Variants in SGK3 observed in about 807,000 individuals in gnomAD.
SGK3 encodes the protein serine/threonine-protein kinase Sgk3.
A neutral mutation model predicts 68.5 loss-of-function variants in SGK3; 47 were observed. The ratio of observed to expected loss-of-function variants is 0.69; its 90% confidence interval spans 0.54 to 0.87. SGK3 has a LOEUF of 0.87. SGK3 is among the 40% of genes least tolerant of loss of function. SGK3 has a pLI of 0.00. For missense variants in SGK3, 479 were observed against 575.5 expected, an observed-to-expected ratio of 0.83 and a Z score of 1.72; for synonymous variants, 181 against 189.1, an observed-to-expected ratio of 0.96 and a Z score of 0.35.
intron 6 of SGK3, among the ~76,000 whole-genome samples, chr8:66,826,571 A>G (rs573589408): frequency 1.3e-5 from 2 of 152,352 alleles, no homozygotes; most frequent in South Asian, 4.1e-4. Flanking sequence ...AGGTATAACA[A>G]CAGGAAATAA....
intron 10 of SGK3, among the ~76,000 whole-genome samples, chr8:66,839,539 A>ATG (rs1353394177): frequency 7.6e-4 from 53 of 69,814 alleles, no homozygotes; most frequent in South Asian, 2.2e-3. Flanking sequence ...ATATATATAT[A>ATG]TATATATATA....
chr8:66,828,309 G>A (rs113375769), intron 6 of SGK3, among the ~76,000 whole-genome samples: 2,918 of 152,216 alleles, frequency 0.019, 67 homozygotes, highest in South Asian at 0.045. Flanking sequence ...TTTTTAACCA[G>A]TTTTTTAGAA....
rs368387636 is a variant in SGK3, at chr8:66,847,182, T to A, written c.1075-11T>A. On this transcript the variant is annotated splice_polypyrimidine_tract_variant and intron_variant, in intron 14 of 16. Transcript: ENST00000521198. ...TACCACTAAGTTTATTTTGCTTTTTTTTTTTTCCAGCCTCCTTTTTATTGC... is the reference window on the plus strand; with the variant it reads ...TACCACTAAGTTTATTTTGCTTTTTATTTTTTCCAGCCTCCTTTTTATTGC... 79 of 1,585,576 alleles carry A rather than the reference T, an allele frequency of 5.0e-5. No homozygotes were observed. Among genetic ancestry groups the A allele is most frequent in the Non-Finnish European group, 6.7e-5 (78 of 1,170,910 alleles).
At chr8:66,769,126 C>A (rs191596871) in intron 1 of SGK3, among the ~76,000 whole-genome samples, 1 of 152,202 alleles carries the variant, frequency 6.6e-6, no homozygotes, top group African/African-American at 2.4e-5. Flanking sequence ...ATTTTCCTAT[C>A]CCATCCTCCA....
chr8:66,725,197 C>T (rs1804947478), intron 1 of SGK3, among the ~76,000 whole-genome samples: 4 of 152,074 alleles, frequency 2.6e-5, no homozygotes, highest in African/African-American at 9.7e-5. Context: ...ACACTGCACT[C>T]CAGCCTGGGC....
chr8:66,789,865 C>G (rs1479808970), intron 1 of SGK3, among the ~76,000 whole-genome samples: 2 of 152,064 alleles, frequency 1.3e-5, no homozygotes, highest in African/African-American at 4.8e-5. Flanking sequence ...TTTGCTTGAG[C>G]TCAGAAGTTC....
At chr8:66,725,430 T>C (rs1293528145) in intron 1 of SGK3, among the ~76,000 whole-genome samples, 2 of 151,344 alleles carry the variant, frequency 1.3e-5, no homozygotes, top group Non-Finnish European at 2.9e-5. Flanking sequence ...TGTTTATCTC[T>C]TTGGGGTAGG....
intron 1 of SGK3, among the ~76,000 whole-genome samples, chr8:66,757,678 G>A (rs1806021807): frequency 1.3e-5 from 2 of 151,770 alleles, no homozygotes; most frequent in Admixed American, 1.3e-4. Context: ...ACTTTGGGGG[G>A]CTGAGGTGGA....
chr8:66,816,993 G>A (rs1411081467), intron 5 of SGK3, among the ~76,000 whole-genome samples: 1 of 151,940 alleles, frequency 6.6e-6, no homozygotes, highest in Non-Finnish European at 1.5e-5. Flanking sequence ...ACTACACCCA[G>A]CTAATTTTTG....
Position 66,844,195 on chromosome 8 carries a change from A to G in SGK3, c.1074+648A>G, listed in dbSNP as rs187433929. 5.9e-5 allele frequency among the ~76,000 whole-genome samples: 9 copies of G among 152,280 alleles called. No individual in the cohort carries two copies. In the East Asian group the frequency reaches 1.7e-3, roughly 29 times the overall value. ...CAAATATCACTCTAATTTTAAGATA[A>G]TGGACAAAAAATGATTTTGCATTTA... On this transcript the variant is annotated intron_variant, in intron 14 of 16. Coordinates refer to ENST00000521198, the MANE Select transcript of SGK3 (RefSeq NM_001033578.3).
At chr8:66,827,317 G>A (rs1291513668) in intron 6 of SGK3, among the ~76,000 whole-genome samples, 1 of 150,680 alleles carries the variant, frequency 6.6e-6, no homozygotes, top group Non-Finnish European at 1.5e-5. Context: ...AGGAGGTGGA[G>A]GTTGCAGTGA....
At chr8:66,809,347 T>C (rs1808289855) in intron 4 of SGK3, among the ~76,000 whole-genome samples, 1 of 152,094 alleles carries the variant, frequency 6.6e-6, no homozygotes, top group Non-Finnish European at 1.5e-5. Context: ...GGGCAGGAAA[T>C]GTACAAGATG....
intron 10 of SGK3, among the ~76,000 whole-genome samples, chr8:66,838,552 A>C (rs73693614): frequency 0.025 from 3,755 of 152,212 alleles, 159 homozygotes; most frequent in African/African-American, 0.084. Flanking sequence ...CAGGTGAGAT[A>C]CCACTGCGAG....
rs148413619 is a variant in SGK3, at chr8:66,827,246, G to C, written c.418-1408G>C. Among the ~76,000 whole-genome samples, 621 of 151,818 alleles carry C rather than the reference G, an allele frequency of 4.1e-3. 9 individuals carry two copies. The highest frequency in any genetic ancestry group is 0.014 in the African/African-American group (564 of 41,450). On this transcript the variant is annotated intron_variant, in intron 6 of 16. Coordinates refer to ENST00000521198, the MANE Select transcript of SGK3 (RefSeq NM_001033578.3). ...AAAATACAAAAATTAACCGGGCATG[G>C]TGGCGTATGCCTGTAATCCCAGCTA...
intron 1 of SGK3, chr8:66,767,865 G>A (rs771526802): frequency 1.2e-4 from 163 of 1,362,910 alleles, no homozygotes; most frequent in Non-Finnish European, 1.6e-4. Context: ...CGAATGTTTT[G>A]CCAAAACATG....
intron 1 of SGK3, chr8:66,775,132 C>A (rs1200414681): frequency 6.6e-6 from 1 of 152,402 alleles, no homozygotes; most frequent in African/African-American, 2.4e-5. Flanking sequence ...GAGCCATATT[C>A]GGGCGTGGCC....
At chr8:66,848,923 T>C (rs1292059624) in intron 15 of SGK3, among the ~76,000 whole-genome samples, 1 of 152,228 alleles carries the variant, frequency 6.6e-6, no homozygotes, top group African/African-American at 2.4e-5. Flanking sequence ...CCTCAACTTA[T>C]GCCGCCCTCA....
intron 8 of SGK3, among the ~76,000 whole-genome samples, chr8:66,832,604 G>A (rs568662180): frequency 6.6e-6 from 1 of 152,144 alleles, no homozygotes; most frequent in South Asian, 2.1e-4. Context: ...AAGAACAAAA[G>A]CATTATCTGT....
chr8:66,816,015 T>G (rs1393772076), intron 5 of SGK3, among the ~76,000 whole-genome samples: 2 of 152,174 alleles, frequency 1.3e-5, no homozygotes, highest in Admixed American at 1.3e-4. Context: ...TAATTTTTTT[T>G]TTGAGACGGA....
Sources: gnomAD v4.1 joint callset for allele counts (sites outside exome capture counted in the v4.1 genomes callset) on GRCh38, gnomAD v4.1.1 for gene constraint, MANE v1.5 for transcripts, NCBI Gene and HGNC (gene_info 2026-07-23, HGNC 2026-07-21) for gene names.